EXT1: variants seen among roughly 807,000 people sequenced by gnomAD.
EXT1 encodes exostosin-1.
In EXT1, 20 loss-of-function variants were observed where a neutral mutation model predicts 82.5. That is an observed-to-expected ratio of 0.24 (90% CI 0.17 to 0.35). The LOEUF is 0.35. Among genes scored for constraint, EXT1 ranks in the 10% least tolerant of loss-of-function variants. The pLI is 1.00. For missense variants in EXT1, 757 were observed against 936.5 expected (o/e 0.81, Z 2.50); for synonymous variants, 348 against 350.8 (o/e 0.99, Z 0.09).
chr8:118,002,718 G>A (rs897606496), intron 1 of EXT1, among the ~76,000 whole-genome samples: 3 of 151,732 alleles, frequency 2.0e-5, no homozygotes, highest in Non-Finnish European at 4.4e-5. Context: ...ATTTTTAGTA[G>A]AGACGGGGTT....
intron 1 of EXT1, among the ~76,000 whole-genome samples, chr8:118,000,299 A>G (rs554434654): frequency 1.3e-5 from 2 of 152,284 alleles, no homozygotes; most frequent in Admixed American, 1.3e-4. Context: ...ACATGCAGAT[A>G]TCTACAGAGG....
At chr8:118,010,371 CAAAAAAA>C (rs56865464) in intron 1 of EXT1, among the ~76,000 whole-genome samples, 6 of 55,996 alleles carry the variant, frequency 1.1e-4, no homozygotes, top group Non-Finnish European at 1.6e-4. Context: ...GACTCCGTCT[CAAAAAAA>C]AAAAAAAAAA....
intron 1 of EXT1, among the ~76,000 whole-genome samples, chr8:118,035,327 A>T (rs1816399801): frequency 6.6e-6 from 1 of 152,124 alleles, no homozygotes; most frequent in East Asian, 1.9e-4. Context: ...CCAAGGTCTG[A>T]AGCCACCGGA....
chr8:117,988,241 C>T (rs940182888), intron 1 of EXT1, among the ~76,000 whole-genome samples: 12 of 152,204 alleles, frequency 7.9e-5, no homozygotes, highest in Admixed American at 5.2e-4. Context: ...GCATATAAAA[C>T]ACTGAGTAGC....
At chr8:118,033,119 T>C (rs1243794143) in intron 1 of EXT1, among the ~76,000 whole-genome samples, 1 of 152,216 alleles carries the variant, frequency 6.6e-6, no homozygotes, top group East Asian at 1.9e-4. Flanking sequence ...TGTTCTCTTA[T>C]ACTAGGCCAG....
chr8:118,059,044 A>C (rs1312023449), intron 1 of EXT1, among the ~76,000 whole-genome samples: 1 of 152,214 alleles, frequency 6.6e-6, no homozygotes, highest in Non-Finnish European at 1.5e-5. Context: ...TAAAATCATT[A>C]ATCTAATGTG....
intron 1 of EXT1, among the ~76,000 whole-genome samples, chr8:118,033,921 T>C (rs1816376350): frequency 6.6e-6 from 1 of 152,200 alleles, no homozygotes; most frequent in African/African-American, 2.4e-5. Flanking sequence ...ACCATCACTA[T>C]ATAATTTTAA....
At chr8:117,810,644 G>A (rs1400682813) in intron 8 of EXT1, among the ~76,000 whole-genome samples, 1 of 152,192 alleles carries the variant, frequency 6.6e-6, no homozygotes, top group Non-Finnish European at 1.5e-5. Flanking sequence ...CAATACTTCA[G>A]GTCATAGGAT....
At chr8:118,037,849 T>G (rs979670622) in intron 1 of EXT1, among the ~76,000 whole-genome samples, 4 of 148,110 alleles carry the variant, frequency 2.7e-5, no homozygotes, top group Admixed American at 6.7e-5. Context: ...TTTTTTTTTT[T>G]TTTTTTTTGA....
At chr8:117,837,880 G>GA (rs1425122296) in intron 1 of EXT1, among the ~76,000 whole-genome samples, 2 of 151,942 alleles carry the variant, frequency 1.3e-5, no homozygotes, top group African/African-American at 2.4e-5. Context: ...CCTGAACTAG[G>GA]AGGGGGTACA....
intron 1 of EXT1, among the ~76,000 whole-genome samples, chr8:118,042,709 T>C (rs998067283): frequency 6.6e-6 from 1 of 152,162 alleles, no homozygotes; most frequent in Non-Finnish European, 1.5e-5. Context: ...CCATTCAACT[T>C]ATATCTCCAT....
intron 7 of EXT1, among the ~76,000 whole-genome samples, chr8:117,816,918 C>T (rs904366356): frequency 8.5e-5 from 13 of 152,300 alleles, no homozygotes; most frequent in East Asian, 1.9e-4. Flanking sequence ...CATTAACTGC[C>T]TGCCTCTGAG....
intron 1 of EXT1, among the ~76,000 whole-genome samples, chr8:117,930,971 T>C (rs17475799): frequency 6.6e-6 from 1 of 152,286 alleles, no homozygotes; most frequent in African/African-American, 2.4e-5. Context: ...ACCAATGCCA[T>C]GACAGTTTAC....
At chr8:118,026,557 T>TATGACCTACG in intron 1 of EXT1, among the ~76,000 whole-genome samples, 1 of 152,162 alleles carries the variant, frequency 6.6e-6, no homozygotes, top group South Asian at 2.1e-4. Context: ...ATCATCAACA[T>TATGACCTACG]CTGGGGTATG....
chr8:117,860,643 T>G (rs1249657201), intron 1 of EXT1, among the ~76,000 whole-genome samples: 1 of 152,242 alleles, frequency 6.6e-6, no homozygotes, highest in East Asian at 1.9e-4. Context: ...TTTGGTTTAG[T>G]CCCTGTTGAA....
chr8:118,010,706 A>G (rs1815881959), intron 1 of EXT1, among the ~76,000 whole-genome samples: 3 of 152,216 alleles, frequency 2.0e-5, no homozygotes, highest in Admixed American at 1.3e-4. Context: ...GAAGGCATCA[A>G]TTCTCACTGG....
rs539690135 is a variant in EXT1, at chr8:117,874,561, G to A, written c.963-37360C>T. On this transcript the variant is annotated intron_variant, in intron 1 of 10. Coordinates refer to ENST00000378204, the MANE Select transcript of EXT1 (RefSeq NM_000127.3). ...ACTTCACTCCAGCCTAGGCAACAAA[G>A]TGAGACTCTGCCTCAAAAAAAAAAA... Among the ~76,000 whole-genome samples the A allele has an allele frequency of 6.0e-5, 5 of 83,958 alleles. No individual in the cohort carries two copies. The South Asian group carries it at 1.1e-3, about 18-fold the overall frequency. The allele number at this position is 83,958 out of a possible 152,430, so 55.1% of individuals were successfully genotyped here. A position where few individuals can be genotyped will look rare whatever the true frequency, so the allele number is the denominator to read the frequency against.
At chr8:118,033,393 T>C (rs1816367517) in intron 1 of EXT1, among the ~76,000 whole-genome samples, 1 of 152,246 alleles carries the variant, frequency 6.6e-6, no homozygotes, top group African/African-American at 2.4e-5. Flanking sequence ...AGCCAGACTC[T>C]TAACTTACTT....
At chr8:117,893,563 T>C (rs1192897938) in intron 1 of EXT1, among the ~76,000 whole-genome samples, 1 of 152,194 alleles carries the variant, frequency 6.6e-6, no homozygotes, top group African/African-American at 2.4e-5. Flanking sequence ...TAGGGCACAG[T>C]AACATCAATT....
Sources: gnomAD v4.1 joint callset for allele counts (sites outside exome capture counted in the v4.1 genomes callset) on GRCh38, gnomAD v4.1.1 for gene constraint, MANE v1.5 for transcripts, NCBI Gene and HGNC (gene_info 2026-07-23, HGNC 2026-07-21) for gene names.